The following SPAG16 variants were observed in gnomAD, a reference collection of about 807,000 sequenced individuals.
The protein encoded by SPAG16 is sperm-associated antigen 16 protein.
In SPAG16, 86 loss-of-function variants were observed where a neutral mutation model predicts 80.4. That is an observed-to-expected ratio of 1.07 (90% confidence interval 0.90 to 1.28). SPAG16 has a LOEUF of 1.28. Among genes scored for constraint, SPAG16 ranks in the 50% most tolerant of loss-of-function variants. The pLI is 0.00. For synonymous variants in SPAG16, 294 were observed against 265.9 expected (o/e 1.11, Z -1.03); for missense variants, 870 against 765.3 (o/e 1.14, Z -1.61).
chr2:214,406,530 A>G (rs114937527), intron 15 of SPAG16, among the ~76,000 whole-genome samples: 1,730 of 152,278 alleles, frequency 0.011, 38 homozygotes, highest in African/African-American at 0.039. Flanking sequence ...TCAAGTTTTT[A>G]TAACAAATTC....
chr2:213,683,282 G>A (rs900416988), intron 10 of SPAG16, among the ~76,000 whole-genome samples: 4 of 152,160 alleles, frequency 2.6e-5, no homozygotes, highest in African/African-American at 9.7e-5. Flanking sequence ...TGGGCACAGT[G>A]CCTCACACCT....
intron 12 of SPAG16, among the ~76,000 whole-genome samples, chr2:214,012,288 A>ATATATATATTT (rs1553694500): frequency 4.3e-5 from 2 of 46,818 alleles, no homozygotes; most frequent in Non-Finnish European, 6.6e-5. Context: ...ATATATATAT[A>ATATATATATTT]TTTTTTTTTT....
chr2:214,304,556 G>C (rs979716323), intron 15 of SPAG16, among the ~76,000 whole-genome samples: 1 of 152,140 alleles, frequency 6.6e-6, no homozygotes, highest in African/African-American at 2.4e-5. Flanking sequence ...CTGGCTTGCT[G>C]TTAATAAATA....
At chr2:214,004,783 T>A (rs1370103122) in intron 12 of SPAG16, among the ~76,000 whole-genome samples, 1 of 152,058 alleles carries the variant, frequency 6.6e-6, no homozygotes, top group African/African-American at 2.4e-5. Flanking sequence ...GAGAATTTCA[T>A]GTTCGCTGAC....
At chr2:214,301,182 T>A (rs949885977) in intron 15 of SPAG16, among the ~76,000 whole-genome samples, 1 of 150,806 alleles carries the variant, frequency 6.6e-6, no homozygotes, top group Admixed American at 6.6e-5. Context: ...TAAATGTGAT[T>A]TACCACATAA....
At chr2:213,677,693 A>G (rs1488319626) in intron 10 of SPAG16, among the ~76,000 whole-genome samples, 1 of 152,190 alleles carries the variant, frequency 6.6e-6, no homozygotes, top group East Asian at 1.9e-4. Context: ...CCCACTGTCA[A>G]CGTTAGACAG....
intron 10 of SPAG16, among the ~76,000 whole-genome samples, chr2:213,855,745 A>G (rs764195499): frequency 6.6e-6 from 1 of 152,170 alleles, no homozygotes; most frequent in Admixed American, 6.5e-5. Flanking sequence ...TGAAACCATC[A>G]GATCTCATAA....
At chr2:213,351,548 G>A (rs1386596497) in intron 7 of SPAG16, among the ~76,000 whole-genome samples, 1 of 152,074 alleles carries the variant, frequency 6.6e-6, no homozygotes, top group African/African-American at 2.4e-5. Flanking sequence ...GAAACAAAAT[G>A]TTTATATGCC....
rs1359815217 is a variant in SPAG16, at chr2:213,375,207, G to A, written c.942+88G>A. The A allele has an allele frequency of 5.6e-5, 55 of 978,260 alleles. 1 individual carries two copies. The East Asian group carries it at 1.2e-3, about 21-fold the overall frequency. The allele number at this position is 978,260 out of a possible 1,614,324, so 60.6% of individuals were successfully genotyped here. A position where few individuals can be genotyped will look rare whatever the true frequency, so the allele number is the denominator to read the frequency against. The stretch of plus-strand genomic sequence containing the variant: ...ACTCATATGGTATCATTATTTTACC[G>A]GAAAAGGAATTTAGAGGTTATATAT... On this transcript the variant is annotated intron_variant, in intron 9 of 15. Transcript: ENST00000331683.
Position 213,426,838 on chromosome 2 carries a change from C to CAT in SPAG16, c.942+51720_942+51721insTA, listed in dbSNP as rs1461013701. On this transcript the variant is annotated intron_variant, in intron 9 of 15. Coordinates refer to ENST00000331683, the MANE Select transcript of SPAG16 (RefSeq NM_024532.5). The stretch of plus-strand genomic sequence containing the variant: ...TTTCAAAAGATTATTCTGATACATA[C>CAT]ACACACACACACACACACACACACA... Among the ~76,000 whole-genome samples the CAT allele has an allele frequency of 6.8e-3, 141 of 20,788 alleles. 1 individual carries two copies. The highest frequency in any genetic ancestry group is 0.019 in the African/African-American group (133 of 7,064). The allele number at this position is 20,788 out of a possible 152,430, so 13.6% of individuals were successfully genotyped here. A position where few individuals can be genotyped will look rare whatever the true frequency, so the allele number is the denominator to read the frequency against.
intron 13 of SPAG16, among the ~76,000 whole-genome samples, chr2:214,055,167 G>A (rs2125149478): frequency 6.6e-6 from 1 of 152,162 alleles, no homozygotes; most frequent in East Asian, 1.9e-4. Context: ...TGTTTTTAAA[G>A]ATCCAGGAAA....
intron 15 of SPAG16, among the ~76,000 whole-genome samples, chr2:214,315,714 T>G (rs1227167257): frequency 6.6e-6 from 1 of 152,004 alleles, no homozygotes; most frequent in East Asian, 1.9e-4. Context: ...AATTTTTTTG[T>G]AGAGTTGGGG....
intron 15 of SPAG16, among the ~76,000 whole-genome samples, chr2:214,407,001 G>C (rs1217731048): frequency 1.3e-5 from 2 of 151,898 alleles, no homozygotes; most frequent in African/African-American, 2.4e-5. Context: ...CTTCTCCCTA[G>C]ACTGTTTATT....
intron 10 of SPAG16, among the ~76,000 whole-genome samples, chr2:213,715,222 G>GTCTGTCTATCTATCTATCTATCTA (rs547716333): frequency 7.2e-5 from 8 of 110,576 alleles, no homozygotes; most frequent in African/African-American, 2.0e-4. Flanking sequence ...AGATCTATCT[G>GTCTGTCTATCTATCTATCTATCTA]TCTATCTATC....
At chr2:213,972,019 AC>A (rs2045092043) in intron 12 of SPAG16, among the ~76,000 whole-genome samples, 1 of 151,782 alleles carries the variant, frequency 6.6e-6, no homozygotes, top group Non-Finnish European at 1.5e-5. Context: ...ATACAGGCAT[AC>A]AATGTATAAT....
chr2:213,791,577 G>A (rs932676239), intron 10 of SPAG16, among the ~76,000 whole-genome samples: 2 of 152,126 alleles, frequency 1.3e-5, no homozygotes, highest in Non-Finnish European at 2.9e-5. Flanking sequence ...AGTGGTCAGA[G>A]TTGCATAAAT....
At chr2:214,303,779 A>G (rs1259082699) in intron 15 of SPAG16, among the ~76,000 whole-genome samples, 2 of 152,128 alleles carry the variant, frequency 1.3e-5, no homozygotes, top group Non-Finnish European at 2.9e-5. Flanking sequence ...TACATAATCC[A>G]GTATTTAGGT....
intron 10 of SPAG16, among the ~76,000 whole-genome samples, chr2:213,500,487 A>G (rs905825010): frequency 1.3e-5 from 2 of 152,090 alleles, no homozygotes; most frequent in Non-Finnish European, 2.9e-5. Flanking sequence ...AAACCCAGTT[A>G]TTTCCCCTTG....
intron 15 of SPAG16, among the ~76,000 whole-genome samples, chr2:214,219,315 A>T (rs2125770865): frequency 6.6e-6 from 1 of 152,238 alleles, no homozygotes; most frequent in Non-Finnish European, 1.5e-5. Flanking sequence ...TTGATTATTG[A>T]TTATAATGAG....
Sources: allele counts gnomAD v4.1 joint callset (sites outside exome capture counted in the v4.1 genomes callset), GRCh38; gene constraint gnomAD v4.1.1; transcripts MANE v1.5; gene names NCBI Gene and HGNC (gene_info 2026-07-23, HGNC 2026-07-21).